Variants in CHL1 observed in about 807,000 individuals in gnomAD.
The protein encoded by CHL1 is cell adhesion molecule L1 like.
Under a neutral mutation model 141.9 loss-of-function variants are expected in CHL1, and 96 were observed. The observed-to-expected ratio is 0.68, with a 90% CI of 0.57 to 0.80. The LOEUF (loss-of-function observed/expected upper bound fraction) is 0.80. CHL1 is among the 30% of genes least tolerant of loss of function. The pLI, the probability that CHL1 is intolerant of heterozygous loss-of-function variation, is 0.00. For missense variants in CHL1, 1,820 were observed against 1,457.2 expected, an observed-to-expected ratio of 1.25 and a Z score of -4.05; for synonymous variants, 613 against 502.2, an observed-to-expected ratio of 1.22 and a Z score of -2.95.
At chr3:385,693 T>C (rs1286125913) in intron 19 of CHL1, 2 of 152,014 alleles carry the variant, frequency 1.3e-5, no homozygotes, top group African/African-American at 4.8e-5. Context: ...CCAGGTGTGG[T>C]GGCACATACC....
At chr3:200,907 A>G (rs985269609) in intron 1 of CHL1, among the ~76,000 whole-genome samples, 9 of 152,342 alleles carry the variant, frequency 5.9e-5, no homozygotes, top group African/African-American at 2.2e-4. Flanking sequence ...AACACCTTAA[A>G]CATTACTAAT....
chr3:398,763 C>T (rs1202331840), intron 25 of CHL1, among the ~76,000 whole-genome samples: 1 of 152,156 alleles, frequency 6.6e-6, no homozygotes, highest in African/African-American at 2.4e-5. Context: ...ACTTCATCTG[C>T]CTTCATTATC....
intron 15 of CHL1, among the ~76,000 whole-genome samples, chr3:368,218 T>C (rs1705158582): frequency 1.3e-5 from 2 of 152,324 alleles, no homozygotes; most frequent in African/African-American, 2.4e-5. Context: ...CCACCAACAG[T>C]GTAAAAGTGT....
intron 25 of CHL1, 88 bp from the exon 26 acceptor site, chr3:398,929 T>A: frequency 7.7e-7 from 1 of 1,300,706 alleles, no homozygotes; most frequent in Non-Finnish European, 1.1e-6. Flanking sequence ...TTGGTATGTT[T>A]AAAAATGATG....
intron 17 of CHL1, 39 bp downstream of exon 17, chr3:382,319 T>C (rs200960233): frequency 6.4e-7 from 1 of 1,556,120 alleles, no homozygotes; most frequent in East Asian, 2.2e-5. Context: ...TTACTCTAGA[T>C]AGTCAAAATT....
intron 23 of CHL1, among the ~76,000 whole-genome samples, chr3:393,496 T>C (rs895860079): frequency 6.6e-6 from 1 of 152,094 alleles, no homozygotes; most frequent in Admixed American, 6.5e-5. Context: ...AACAAGTTCT[T>C]AGAATATAGA....
At chr3:335,900 C>G (rs145583272) in intron 5 of CHL1, among the ~76,000 whole-genome samples, 5 of 152,212 alleles carry the variant, frequency 3.3e-5, no homozygotes, top group African/African-American at 1.2e-4. Flanking sequence ...TTTGGCTGTA[C>G]CATGCAAAGT....
At chr3:281,435 G>A (rs757344042) in intron 2 of CHL1, among the ~76,000 whole-genome samples, 12 of 152,008 alleles carry the variant, frequency 7.9e-5, no homozygotes, top group Non-Finnish European at 1.3e-4. Flanking sequence ...TGGTCATGTC[G>A]GTTCTCCTGG....
chr3:261,190 A>G (rs543953303), intron 2 of CHL1, among the ~76,000 whole-genome samples: 30 of 152,316 alleles, frequency 2.0e-4, no homozygotes, highest in African/African-American at 7.0e-4. Flanking sequence ...TTACATAAAA[A>G]TTACTTAGTG....
chr3:210,656 A>C (rs573297523), intron 1 of CHL1, among the ~76,000 whole-genome samples: 1 of 152,256 alleles, frequency 6.6e-6, no homozygotes, highest in South Asian at 2.1e-4. Flanking sequence ...CTTCTAGCAG[A>C]CAAGGTAGCA....
At position 253,494 on chromosome 3, in the gene CHL1, T is replaced by C. The variant is rs149133929; in HGVS notation, c.-95+8802T>C. Among the ~76,000 whole-genome samples, 369 of 152,276 alleles carry C rather than the reference T, an allele frequency of 2.4e-3. 1 individual carries two copies. Among genetic ancestry groups the C allele is most frequent in the African/African-American group, 8.6e-3 (356 of 41,562 alleles). ...CTGTAGCTGGTTCCCTCTCTACCTT[T>C]TCTGTAGTTTTTGTATGCGGGCCAA... On this transcript the variant is annotated intron_variant, in intron 2 of 27. Coordinates refer to ENST00000256509, the MANE Select transcript of CHL1 (RefSeq NM_006614.4).
chr3:332,201 T>C (rs941877697), intron 5 of CHL1, among the ~76,000 whole-genome samples: 1 of 152,220 alleles, frequency 6.6e-6, no homozygotes, highest in Non-Finnish European at 1.5e-5. Context: ...TGCATTGTGC[T>C]CTATTCATAC....
chr3:321,303 A>C (rs1559250674), intron 3 of CHL1, among the ~76,000 whole-genome samples: 1 of 152,130 alleles, frequency 6.6e-6, no homozygotes, highest in South Asian at 2.1e-4. Flanking sequence ...TATCTGACCT[A>C]CAAATATACA....
rs570831642 is a variant in CHL1 at position 300,976 on chromosome 3, G to A, written c.-94-18707G>A. On this transcript the variant is annotated intron_variant, in intron 2 of 27. Coordinates refer to ENST00000256509, the MANE Select transcript of CHL1 (RefSeq NM_006614.4). Reference sequence around the variant, plus strand: ...AAGAACATGTAATTGAAGCTCAGGAGGGGGAAGAGAGATGAGAGATGTGTG... The same window carrying A: ...AAGAACATGTAATTGAAGCTCAGGAAGGGGAAGAGAGATGAGAGATGTGTG... Among the ~76,000 whole-genome samples, 266 of 152,238 alleles carry A rather than the reference G, an allele frequency of 1.7e-3. 1 individual carries two copies. Among genetic ancestry groups the A allele is most frequent in the South Asian group, 4.6e-3 (22 of 4,822 alleles).
chr3:340,158 C>A (rs921211754), intron 5 of CHL1, among the ~76,000 whole-genome samples: 1 of 152,084 alleles, frequency 6.6e-6, no homozygotes, highest in African/African-American at 2.4e-5. Flanking sequence ...GGGGAGGAAA[C>A]AATAGGTTGA....
chr3:239,953 C>G (rs458258), intron 1 of CHL1, among the ~76,000 whole-genome samples: 21,751 of 152,066 alleles, frequency 0.14, 1,864 homozygotes, highest in East Asian at 0.39. Context: ...AGTAGTATTC[C>G]ATCATATATA....
intron 1 of CHL1, among the ~76,000 whole-genome samples, chr3:210,344 G>A (rs1045777952): frequency 7.9e-5 from 12 of 152,326 alleles, no homozygotes; most frequent in Non-Finnish European, 1.2e-4. Context: ...GCAGGGCTCC[G>A]CTGGGTGATT....
chr3:289,573 T>G (rs1307566740), intron 2 of CHL1, among the ~76,000 whole-genome samples: 1 of 152,132 alleles, frequency 6.6e-6, no homozygotes, highest in African/African-American at 2.4e-5. Flanking sequence ...GGTAGGTAAA[T>G]AAGAGCTTGG....
chr3:256,007 C>A (rs1016762972), intron 2 of CHL1, among the ~76,000 whole-genome samples: 2 of 151,012 alleles, frequency 1.3e-5, no homozygotes, highest in African/African-American at 4.9e-5. Flanking sequence ...TCCTGGGATT[C>A]ATGCTCCCAT....
Sources: gnomAD v4.1 joint callset for allele counts (sites outside exome capture counted in the v4.1 genomes callset) on GRCh38, gnomAD v4.1.1 for gene constraint, MANE v1.5 for transcripts, NCBI Gene and HGNC (gene_info 2026-07-23, HGNC 2026-07-21) for gene names.